Variants in CDH12 observed in about 807,000 individuals in gnomAD.
CDH12 encodes cadherin-12.
A neutral mutation model predicts 74.1 loss-of-function variants in CDH12; 41 were observed. That is an observed-to-expected ratio of 0.55 (90% CI 0.43 to 0.72). CDH12 has a LOEUF of 0.72. Ranked by LOEUF, CDH12 falls within the 30% of genes least tolerant of loss-of-function variation. CDH12 has a pLI of 0.00. For synonymous variants in CDH12, 399 were observed against 355.0 expected, an observed-to-expected ratio of 1.12 and a Z score of -1.39; for missense variants, 945 against 977.2, an observed-to-expected ratio of 0.97 and a Z score of 0.44.
chr5:22,063,193 T>C (rs1398919394), intron 5 of CDH12, among the ~76,000 whole-genome samples: 1 of 152,164 alleles, frequency 6.6e-6, no homozygotes, highest in Non-Finnish European at 1.5e-5. Flanking sequence ...TTGTCTTTCT[T>C]ATTTTTTTCT....
chr5:22,028,030 G>A (rs887354307), intron 5 of CDH12, among the ~76,000 whole-genome samples: 2 of 152,152 alleles, frequency 1.3e-5, no homozygotes, highest in South Asian at 2.1e-4. Flanking sequence ...GTTCTCGTTG[G>A]TTTCAAAGAA....
intron 1 of CDH12, among the ~76,000 whole-genome samples, chr5:22,794,620 G>A (rs1748094709): frequency 6.6e-6 from 1 of 152,104 alleles, no homozygotes; most frequent in Non-Finnish European, 1.5e-5. Flanking sequence ...AAGATTTAGA[G>A]AGAATAGAAA....
At chr5:22,229,797 A>C (rs1325758128) in intron 3 of CDH12, among the ~76,000 whole-genome samples, 1 of 152,006 alleles carries the variant, frequency 6.6e-6, no homozygotes, top group African/African-American at 2.4e-5. Context: ...CTCTGTATTT[A>C]ATGTGCTTTG....
At chr5:22,654,812 G>A (rs1580855738) in intron 1 of CDH12, among the ~76,000 whole-genome samples, 1 of 150,816 alleles carries the variant, frequency 6.6e-6, no homozygotes, top group East Asian at 2.0e-4. Context: ...TGTATTTTTA[G>A]TAGAGATGGT....
chr5:22,722,406 G>A (rs886188449), intron 1 of CDH12, among the ~76,000 whole-genome samples: 2 of 152,142 alleles, frequency 1.3e-5, no homozygotes. Flanking sequence ...ACTACTATAT[G>A]GAGCAGGGAC....
At chr5:22,441,901 A>C (rs931334514) in intron 2 of CDH12, among the ~76,000 whole-genome samples, 2 of 151,918 alleles carry the variant, frequency 1.3e-5, no homozygotes, top group African/African-American at 4.8e-5. Context: ...ACAGGGTTTC[A>C]CCATGTTGAC....
At chr5:22,214,221 G>A (rs1289095228) in intron 3 of CDH12, among the ~76,000 whole-genome samples, 1 of 152,100 alleles carries the variant, frequency 6.6e-6, no homozygotes, top group Non-Finnish European at 1.5e-5. Context: ...AAACGGAGAC[G>A]GCCCTGCAGA....
chr5:22,236,388 A>G (rs1009286898), intron 3 of CDH12, among the ~76,000 whole-genome samples: 2 of 152,032 alleles, frequency 1.3e-5, no homozygotes, highest in South Asian at 2.1e-4. Flanking sequence ...ATCTTTTTCT[A>G]TTTTTCAAGT....
intron 3 of CDH12, among the ~76,000 whole-genome samples, chr5:22,400,451 G>T (rs1003392794): frequency 6.6e-6 from 1 of 151,208 alleles, no homozygotes; most frequent in African/African-American, 2.4e-5. Context: ...TGCTTGCAGA[G>T]ATTTTTTTTT....
intron 6 of CDH12, among the ~76,000 whole-genome samples, chr5:21,859,007 C>A (rs1441008971): frequency 4.0e-5 from 6 of 151,898 alleles, no homozygotes; most frequent in Non-Finnish European, 7.4e-5. Context: ...ACTTTCCTAG[C>A]AATTTTCAAG....
chr5:22,338,091 T>G (rs1739670654), intron 3 of CDH12, among the ~76,000 whole-genome samples: 1 of 152,144 alleles, frequency 6.6e-6, no homozygotes, highest in Non-Finnish European at 1.5e-5. Flanking sequence ...AGACAGAAAA[T>G]TAGTAACTCA....
intron 3 of CDH12, among the ~76,000 whole-genome samples, chr5:22,387,286 AT>A (rs1471059067): frequency 1.3e-5 from 2 of 152,128 alleles, no homozygotes; most frequent in Admixed American, 6.5e-5. Flanking sequence ...AAATTTTTAA[AT>A]TTAAAAAAAT....
At chr5:21,816,517 C>T (rs896469075) in intron 9 of CDH12, among the ~76,000 whole-genome samples, 7 of 147,780 alleles carry the variant, frequency 4.7e-5, no homozygotes, top group Non-Finnish European at 7.4e-5. Flanking sequence ...CCCAGCTACT[C>T]AGGAGTTTGA....
At chr5:22,724,234 TA>T (rs1447036258) in intron 1 of CDH12, among the ~76,000 whole-genome samples, 1 of 146,094 alleles carries the variant, frequency 6.8e-6, no homozygotes. Flanking sequence ...TTTTAATTTT[TA>T]AAATTTTTTA....
chr5:22,342,927 C>A (rs540399511), intron 3 of CDH12, among the ~76,000 whole-genome samples: 1 of 152,016 alleles, frequency 6.6e-6, no homozygotes, highest in Non-Finnish European at 1.5e-5. Flanking sequence ...TAGCTTATTG[C>A]AACCTCCGCC....
intron 6 of CDH12, among the ~76,000 whole-genome samples, chr5:21,898,661 C>T (rs141536874): frequency 6.6e-6 from 1 of 151,932 alleles, no homozygotes; most frequent in East Asian, 1.9e-4. Context: ...GAGATCGCGC[C>T]ACTGCTCTTC....
intron 4 of CDH12, among the ~76,000 whole-genome samples, chr5:22,130,268 G>A (rs1422849614): frequency 1.3e-5 from 2 of 151,306 alleles, no homozygotes; most frequent in Non-Finnish European, 2.9e-5. Flanking sequence ...ATCTTAAGAG[G>A]AGAAAGTGTT....
At chr5:22,244,543 G>A (rs1752856948) in intron 3 of CDH12, among the ~76,000 whole-genome samples, 6 of 73,436 alleles carry the variant, frequency 8.2e-5, no homozygotes, top group Non-Finnish European at 1.0e-4. Context: ...AGAAGAAGAA[G>A]AAGAAGAAGA....
chr5:22,483,765 A>ATATATATATATAT lies in CDH12; in HGVS notation c.-428+21504_-428+21505insATATATATATATA, dbSNP rs1365052831. ...TTTCAAAACTATATATATATATATA[A>ATATATATATATAT]ATTTAATTAATTGGGCATGGTGGCA... On this transcript the variant is annotated intron_variant, in intron 2 of 14. Coordinates refer to ENST00000382254, the MANE Select transcript of CDH12 (RefSeq NM_004061.5). Among the ~76,000 whole-genome samples, 12 of 22,164 alleles carry ATATATATATATAT rather than the reference A, an allele frequency of 5.4e-4. 2 individuals carry two copies. Among genetic ancestry groups the ATATATATATATAT allele is most frequent in the African/African-American group, 1.8e-3 (10 of 5,518 alleles). The allele number at this position is 22,164 out of a possible 152,430, so 14.5% of individuals were successfully genotyped here.
Sources: allele counts gnomAD v4.1 joint callset (sites outside exome capture counted in the v4.1 genomes callset), GRCh38; gene constraint gnomAD v4.1.1; transcripts MANE v1.5; gene names NCBI Gene and HGNC (gene_info 2026-07-23, HGNC 2026-07-21).